Variants in LYPD6B observed in about 807,000 individuals in gnomAD.
The protein encoded by LYPD6B is ly6/PLAUR domain-containing protein 6B.
LYPD6B carries 17 observed loss-of-function variants against 22.8 expected under a neutral mutation model. The observed-to-expected ratio is 0.75, with a 90% CI of 0.51 to 1.12. The LOEUF (loss-of-function observed/expected upper bound fraction) is 1.12, where lower values mean the gene tolerates loss of function less well. Among genes scored for constraint, LYPD6B ranks in the 50% most tolerant of loss-of-function variants. LYPD6B has a pLI of 0.00. For synonymous variants in LYPD6B, 106 were observed against 91.6 expected (o/e 1.16, Z -0.90); for missense variants, 221 against 258.3 (o/e 0.86, Z 0.99).
At chr2:149,075,391 G>A (rs557077178) in intron 1 of LYPD6B, among the ~76,000 whole-genome samples, 131 of 152,262 alleles carry the variant, frequency 8.6e-4, no homozygotes, top group African/African-American at 3.1e-3. Context: ...GTGGTTTGAC[G>A]TGGTGTTTTG....
chr2:149,177,714 A>T (rs529664408), intron 3 of LYPD6B, among the ~76,000 whole-genome samples: 21 of 152,280 alleles, frequency 1.4e-4, no homozygotes, highest in African/African-American at 5.1e-4. Context: ...CAACTTTAGC[A>T]GGCGATGTGC....
chr2:149,151,641 C>A (rs1197238590), intron 2 of LYPD6B, among the ~76,000 whole-genome samples: 1 of 152,180 alleles, frequency 6.6e-6, no homozygotes, highest in African/African-American at 2.4e-5. Context: ...TTCTATAGAA[C>A]AAGTTAGCTT....
chr2:149,073,406 C>T (rs571061494), intron 1 of LYPD6B, among the ~76,000 whole-genome samples: 13 of 152,202 alleles, frequency 8.5e-5, no homozygotes, highest in South Asian at 2.1e-4. Flanking sequence ...TTTCTTGGTC[C>T]GTGTTTCTGA....
chr2:149,192,052 A>G (rs1412131393), intron 3 of LYPD6B, among the ~76,000 whole-genome samples: 2 of 151,908 alleles, frequency 1.3e-5, no homozygotes. Flanking sequence ...GAGCTTGCAG[A>G]GAAGCAAGGC....
chr2:149,062,072 C>T (rs116849355), intron 1 of LYPD6B, among the ~76,000 whole-genome samples: 1,568 of 152,014 alleles, frequency 0.01, 18 homozygotes, highest in Middle Eastern at 0.044. Context: ...CCACAAACTC[C>T]GCCTTCCCGG....
At chr2:149,161,002 G>C (rs190935058) in intron 3 of LYPD6B, among the ~76,000 whole-genome samples, 167 bp downstream of exon 3, 1 of 152,136 alleles carries the variant, frequency 6.6e-6, no homozygotes, top group Non-Finnish European at 1.5e-5. Flanking sequence ...GTGATCCTGC[G>C]GTTTGGAAGC....
chr2:149,181,510 C>T (rs1445208756), intron 3 of LYPD6B, among the ~76,000 whole-genome samples: 1 of 152,138 alleles, frequency 6.6e-6, no homozygotes, highest in African/African-American at 2.4e-5. Context: ...TCCAGAAACC[C>T]AGACTCTTTG....
chr2:149,069,453 G>T lies in LYPD6B; in HGVS notation c.-67+30652G>T, dbSNP rs190263802. Among the ~76,000 whole-genome samples the T allele has an allele frequency of 7.3e-3, 1,116 of 152,196 alleles. 6 individuals carry two copies. Among genetic ancestry groups the T allele is most frequent in the Non-Finnish European group, 0.01 (689 of 68,016 alleles). ...CTGTTTCTGTGATAAATGAAACTGGGTTGGTTAGGATTGAATAGAATTGGA... is the reference window on the plus strand; with the variant it reads ...CTGTTTCTGTGATAAATGAAACTGGTTTGGTTAGGATTGAATAGAATTGGA... On this transcript the variant is annotated intron_variant, in intron 1 of 6. Coordinates refer to ENST00000409642, the MANE Select transcript of LYPD6B (RefSeq NM_177964.5).
intron 5 of LYPD6B, among the ~76,000 whole-genome samples, chr2:149,211,929 G>A (rs1038715164): frequency 6.6e-5 from 10 of 152,082 alleles, no homozygotes; most frequent in Non-Finnish European, 1.5e-4. Flanking sequence ...GTAGAAATGA[G>A]GTACTGTAGA....
chr2:149,148,760 C>T (rs907878896), intron 2 of LYPD6B, among the ~76,000 whole-genome samples: 1 of 152,186 alleles, frequency 6.6e-6, no homozygotes, highest in Non-Finnish European at 1.5e-5. Context: ...TTTGCCTCCT[C>T]TTGTTGAGGG....
At chr2:149,051,049 TTATACA>T (rs1247109877) in intron 1 of LYPD6B, among the ~76,000 whole-genome samples, 1 of 151,816 alleles carries the variant, frequency 6.6e-6, no homozygotes, top group Non-Finnish European at 1.5e-5. Flanking sequence ...ATGTATATAT[TTATACA>T]TATACATATA....
chr2:149,082,945 C>T (rs909899395), intron 1 of LYPD6B, among the ~76,000 whole-genome samples: 2 of 152,192 alleles, frequency 1.3e-5, no homozygotes, highest in African/African-American at 2.4e-5. Context: ...ACAGCTTTCT[C>T]ACTGACTCCC....
At chr2:149,068,797 G>T (rs1374750080) in intron 1 of LYPD6B, 9 of 469,076 alleles carry the variant, frequency 1.9e-5, no homozygotes, top group Non-Finnish European at 3.5e-5. Context: ...ACAAAGGCTC[G>T]ATCATTTTGC....
intron 1 of LYPD6B, among the ~76,000 whole-genome samples, chr2:149,053,434 T>C (rs1683653751): frequency 1.3e-5 from 2 of 152,344 alleles, no homozygotes; most frequent in African/African-American, 4.8e-5. Flanking sequence ...GTAACATTCC[T>C]AATTATTTAC....
intron 1 of LYPD6B, among the ~76,000 whole-genome samples, chr2:149,093,411 A>G (rs1245246720): frequency 6.6e-6 from 1 of 152,212 alleles, no homozygotes; most frequent in African/African-American, 2.4e-5. Context: ...ATGTCCTGCA[A>G]GTATTTCCAT....
intron 1 of LYPD6B, among the ~76,000 whole-genome samples, chr2:149,065,988 G>A (rs942815159): frequency 6.6e-6 from 1 of 151,934 alleles, no homozygotes; most frequent in Non-Finnish European, 1.5e-5. Context: ...TCGGGATTAC[G>A]AGTCTGAGCT....
intron 3 of LYPD6B, among the ~76,000 whole-genome samples, chr2:149,202,261 G>A (rs1693209784): frequency 6.6e-6 from 1 of 152,086 alleles, no homozygotes; most frequent in African/African-American, 2.4e-5. Context: ...TCTTGATTTT[G>A]CTGGACTCAA....
intron 1 of LYPD6B, among the ~76,000 whole-genome samples, chr2:149,103,754 A>T (rs1248869269): frequency 1.4e-5 from 2 of 145,386 alleles, no homozygotes; most frequent in Non-Finnish European, 3.0e-5. Flanking sequence ...TGTGATGTTC[A>T]TACACGTTGT....
intron 1 of LYPD6B, among the ~76,000 whole-genome samples, chr2:149,042,828 G>A (rs932528192): frequency 1.3e-5 from 2 of 152,328 alleles, no homozygotes; most frequent in African/African-American, 4.8e-5. Flanking sequence ...GAGCTATATG[G>A]TCTAAGCAGG....
Sources: gnomAD v4.1 joint callset for allele counts (sites outside exome capture counted in the v4.1 genomes callset) on GRCh38, gnomAD v4.1.1 for gene constraint, MANE v1.5 for transcripts, NCBI Gene and HGNC (gene_info 2026-07-23, HGNC 2026-07-21) for gene names.